NPAS3: variants seen among roughly 807,000 people sequenced by gnomAD.
NPAS3 encodes the protein neuronal PAS domain-containing protein 3.
NPAS3 carries 14 observed loss-of-function variants against 73.1 expected under a neutral mutation model. That is an observed-to-expected ratio of 0.19 (90% CI 0.13 to 0.30). The LOEUF is 0.30. NPAS3 is among the 10% of genes least tolerant of loss of function. The pLI, the probability that NPAS3 is intolerant of heterozygous loss-of-function variation, is 1.00. For missense variants in NPAS3, 1,096 were observed against 1,250.0 expected, an observed-to-expected ratio of 0.88 and a Z score of 1.86; for synonymous variants, 620 against 541.5, an observed-to-expected ratio of 1.14 and a Z score of -2.01.
chr14:33,680,273 A>AAAACTCTT (rs1274910188), intron 6 of NPAS3, among the ~76,000 whole-genome samples: 1 of 152,218 alleles, frequency 6.6e-6, no homozygotes, highest in Non-Finnish European at 1.5e-5. Flanking sequence ...GAGGAACTTT[A>AAAACTCTT]AAACTCTTCC....
chr14:33,270,178 A>G (rs952185191), intron 3 of NPAS3, among the ~76,000 whole-genome samples: 11 of 152,112 alleles, frequency 7.2e-5, no homozygotes, highest in Non-Finnish European at 7.4e-5. Flanking sequence ...TCTCCTTCCT[A>G]GTATAGCCTC....
At chr14:33,533,276 A>G (rs1446487557) in intron 4 of NPAS3, among the ~76,000 whole-genome samples, 3 of 152,212 alleles carry the variant, frequency 2.0e-5, no homozygotes, top group Admixed American at 6.6e-5. Flanking sequence ...ATAAATAACC[A>G]AACTATATAA....
intron 7 of NPAS3, among the ~76,000 whole-genome samples, chr14:33,755,354 T>C (rs1006542197): frequency 1.3e-5 from 2 of 152,208 alleles, no homozygotes; most frequent in African/African-American, 4.8e-5. Context: ...TATTGGTACA[T>C]TTATTTTTGT....
At chr14:32,952,881 T>TGG (rs1428418927) in intron 1 of NPAS3, among the ~76,000 whole-genome samples, 2 of 152,048 alleles carry the variant, frequency 1.3e-5, no homozygotes, top group Non-Finnish European at 2.9e-5. Flanking sequence ...GAGACCAGCC[T>TGG]GGGCAACATG....
chr14:33,550,513 T>C (rs909336514), intron 4 of NPAS3, among the ~76,000 whole-genome samples: 4 of 152,240 alleles, frequency 2.6e-5, no homozygotes, highest in Non-Finnish European at 5.9e-5. Flanking sequence ...TGTTACATAG[T>C]CTGGCACATG....
chr14:33,263,837 A>G (rs944078741), intron 3 of NPAS3, among the ~76,000 whole-genome samples: 4 of 152,112 alleles, frequency 2.6e-5, no homozygotes, highest in African/African-American at 7.2e-5. Flanking sequence ...GGTCCTTCAC[A>G]TCCCTTGTAA....
chr14:32,993,907 C>T (rs1017217887), intron 1 of NPAS3, among the ~76,000 whole-genome samples: 5 of 152,178 alleles, frequency 3.3e-5, no homozygotes, highest in Admixed American at 2.0e-4. Flanking sequence ...GTCTTTTTGG[C>T]ACTCTCACAT....
chr14:33,731,279 T>C (rs1337331487), intron 6 of NPAS3, among the ~76,000 whole-genome samples: 2 of 151,806 alleles, frequency 1.3e-5, no homozygotes, highest in East Asian at 1.9e-4. Context: ...AATAGCCAGG[T>C]GTGGTGGCAC....
At chr14:33,478,213 A>G (rs369968990) in intron 4 of NPAS3, among the ~76,000 whole-genome samples, 2 of 152,196 alleles carry the variant, frequency 1.3e-5, no homozygotes, top group Non-Finnish European at 2.9e-5. Context: ...ATTTTGCACC[A>G]CTTTAAGCAC....
chr14:33,470,248 A>G (rs1013331825), intron 4 of NPAS3, among the ~76,000 whole-genome samples: 2 of 152,218 alleles, frequency 1.3e-5, no homozygotes, highest in African/African-American at 4.8e-5. Context: ...AGTTTCAAGG[A>G]AAGGGAACAT....
intron 2 of NPAS3, among the ~76,000 whole-genome samples, chr14:33,209,129 T>C (rs1312766668): frequency 1.3e-5 from 2 of 152,236 alleles, no homozygotes; most frequent in Non-Finnish European, 2.9e-5. Context: ...AGAAGATTTC[T>C]GAAATTATTA....
At chr14:33,465,367 TA>T (rs1251241252) in intron 4 of NPAS3, among the ~76,000 whole-genome samples, 5 of 152,094 alleles carry the variant, frequency 3.3e-5, no homozygotes, top group Non-Finnish European at 7.3e-5. Flanking sequence ...ATTCTCAGAG[TA>T]AAAAAGTTTA....
At chr14:33,257,153 C>CG (rs1337495117) in intron 3 of NPAS3, among the ~76,000 whole-genome samples, 2 of 152,160 alleles carry the variant, frequency 1.3e-5, no homozygotes, top group Non-Finnish European at 2.9e-5. Flanking sequence ...CTCCTTCTTC[C>CG]TAACAGATGA....
intron 5 of NPAS3, among the ~76,000 whole-genome samples, chr14:33,595,601 A>G (rs1466548747): frequency 6.6e-6 from 1 of 152,170 alleles, no homozygotes; most frequent in Non-Finnish European, 1.5e-5. Flanking sequence ...AACAAAAGGG[A>G]AAAAGAAAGA....
At chr14:33,468,778 C>T (rs1309584271) in intron 4 of NPAS3, among the ~76,000 whole-genome samples, 1 of 152,188 alleles carries the variant, frequency 6.6e-6, no homozygotes, top group Non-Finnish European at 1.5e-5. Flanking sequence ...CCTCATCAAG[C>T]ATTGATTTAG....
chr14:33,643,169 C>T (rs1047571135), intron 5 of NPAS3, among the ~76,000 whole-genome samples: 4 of 151,924 alleles, frequency 2.6e-5, no homozygotes, highest in African/African-American at 7.3e-5. Flanking sequence ...TCACATTAGT[C>T]TTGTCAGTTT....
intron 2 of NPAS3, among the ~76,000 whole-genome samples, chr14:33,135,629 T>C (rs2139136464): frequency 6.6e-6 from 1 of 152,292 alleles, no homozygotes; most frequent in Non-Finnish European, 1.5e-5. Context: ...ATTTTGGATT[T>C]GGGTCATTGA....
intron 7 of NPAS3, among the ~76,000 whole-genome samples, chr14:33,739,611 G>A (rs557772502): frequency 6.6e-5 from 10 of 152,288 alleles, no homozygotes; most frequent in African/African-American, 2.4e-4. Flanking sequence ...AGGTGCACAT[G>A]AAATTTTAAC....
At chr14:33,098,165 T>C (rs752063631) in intron 2 of NPAS3, among the ~76,000 whole-genome samples, 5 of 152,222 alleles carry the variant, frequency 3.3e-5, no homozygotes, top group Non-Finnish European at 5.9e-5. Context: ...TGGCATGAGG[T>C]TGAGGGCTCT....
Sources: gnomAD v4.1 joint callset for allele counts (sites outside exome capture counted in the v4.1 genomes callset) on GRCh38, gnomAD v4.1.1 for gene constraint, MANE v1.5 for transcripts, NCBI Gene and HGNC (gene_info 2026-07-23, HGNC 2026-07-21) for gene names.